WDR41: variants seen among roughly 807,000 people sequenced by gnomAD.
WDR41 encodes the protein WD repeat-containing protein 41.
In WDR41, 63 loss-of-function variants were observed where a neutral mutation model predicts 69.3. The observed-to-expected ratio is 0.91, with a 90% CI of 0.74 to 1.12. WDR41 has a LOEUF of 1.12. WDR41 is among the 50% of genes most tolerant of loss of function. The pLI is 0.00. For missense variants in WDR41, 543 were observed against 534.5 expected, an observed-to-expected ratio of 1.02 and a Z score of -0.16; for synonymous variants, 185 against 192.1, an observed-to-expected ratio of 0.96 and a Z score of 0.31.
At chr5:77,504,115 T>C (rs1481942825) in intron 1 of WDR41, among the ~76,000 whole-genome samples, 1 of 150,676 alleles carries the variant, frequency 6.6e-6, no homozygotes, top group Admixed American at 6.6e-5. Flanking sequence ...ATCAACAAAA[T>C]TGATAGACTG....
chr5:77,436,161 TAAGAAA>T (rs1798928559), intron 12 of WDR41, 94 bp downstream of exon 12: 44 of 1,448,562 alleles, frequency 3.0e-5, no homozygotes, highest in Non-Finnish European at 4.0e-5. Flanking sequence ...CCTACAGATA[TAAGAAA>T]AAGTATATGC....
chr5:77,433,687 T>G lies in WDR41; in HGVS notation c.1228-400A>C, dbSNP rs574520493. ...TCTCTATAAAAGTAGATATACTCAATCCATAGGTGTTAAGTGTCAGCACTA... is the reference window on the plus strand; with the variant it reads ...TCTCTATAAAAGTAGATATACTCAAGCCATAGGTGTTAAGTGTCAGCACTA... On this transcript the variant is annotated intron_variant, in intron 12 of 12. Coordinates refer to ENST00000296679, the MANE Select transcript of WDR41 (RefSeq NM_018268.4). Among the ~76,000 whole-genome samples the G allele has an allele frequency of 7.2e-5, 11 of 152,310 alleles. No individual in the cohort carries two copies. In the South Asian group the frequency reaches 1.7e-3, roughly 23 times the overall value.
intron 1 of WDR41, among the ~76,000 whole-genome samples, chr5:77,589,002 A>G (rs1409650762): frequency 6.6e-6 from 1 of 152,186 alleles, no homozygotes; most frequent in Non-Finnish European, 1.5e-5. Flanking sequence ...AAGCACAAAA[A>G]TGTGAAAAAT....
chr5:77,537,946 G>A (rs962836855), intron 1 of WDR41, among the ~76,000 whole-genome samples: 1 of 151,988 alleles, frequency 6.6e-6, no homozygotes, highest in Admixed American at 6.6e-5. Context: ...GTATTTTGGG[G>A]GTTTTATATA....
At chr5:77,447,036 C>T (rs765434664) in intron 8 of WDR41, among the ~76,000 whole-genome samples, 5 of 152,060 alleles carry the variant, frequency 3.3e-5, no homozygotes, top group African/African-American at 7.2e-5. Context: ...TGACAAAGGT[C>T]GGTCTAATAT....
At chr5:77,599,534 C>T (rs779972989) in intron 1 of WDR41, among the ~76,000 whole-genome samples, 2 of 152,084 alleles carry the variant, frequency 1.3e-5, no homozygotes, top group Non-Finnish European at 2.9e-5. Flanking sequence ...TAGATAGCTA[C>T]ACAGACAGCT....
intron 2 of WDR41, among the ~76,000 whole-genome samples, chr5:77,474,536 T>G (rs893426474): frequency 6.6e-6 from 1 of 152,120 alleles, no homozygotes; most frequent in Non-Finnish European, 1.5e-5. Flanking sequence ...TGTAAAGGAG[T>G]TGAAGGAAAC....
At chr5:77,502,497 T>C (rs1802034577) in intron 1 of WDR41, among the ~76,000 whole-genome samples, 1 of 152,092 alleles carries the variant, frequency 6.6e-6, no homozygotes, top group Admixed American at 6.5e-5. Flanking sequence ...CAGGCTAACA[T>C]TCAAATTCAG....
intron 2 of WDR41, among the ~76,000 whole-genome samples, chr5:77,476,748 G>A (rs1327406970): frequency 6.6e-6 from 1 of 150,432 alleles, no homozygotes; most frequent in Non-Finnish European, 1.5e-5. Context: ...ATCGAGACTA[G>A]GAAGAAACTG....
chr5:77,433,932 A>T (rs1157341374), intron 12 of WDR41, among the ~76,000 whole-genome samples: 1 of 152,244 alleles, frequency 6.6e-6, no homozygotes, highest in Admixed American at 6.5e-5. Flanking sequence ...GAATAGGAAA[A>T]CAGAGTGTTG....
chr5:77,491,117 C>T (rs1348490740), intron 1 of WDR41: 3 of 384,330 alleles, frequency 7.8e-6, no homozygotes, highest in Middle Eastern at 8.0e-4. Flanking sequence ...GTGAAAATGC[C>T]CTGCCCCGCC....
chr5:77,442,577 A>G (rs1799206222), intron 8 of WDR41, among the ~76,000 whole-genome samples: 1 of 152,046 alleles, frequency 6.6e-6, no homozygotes, highest in Admixed American at 6.6e-5. Context: ...ATGACTATGT[A>G]TAACTTTTAC....
rs200949152 is a variant in WDR41, at chr5:77,470,114, G to A, written c.168-5305C>T. Among the ~76,000 whole-genome samples, 334 of 151,644 alleles carry A rather than the reference G, an allele frequency of 2.2e-3. 6 individuals are homozygous for A. The highest frequency in any genetic ancestry group is 0.016 in the East Asian group (83 of 5,170). The stretch of plus-strand genomic sequence containing the variant: ...ACTCTACAAGCCAGAAGATAATGGG[G>A]GCCAATATTCAACATTCTTAAAGAA... On this transcript the variant is annotated intron_variant, in intron 2 of 12. Coordinates refer to ENST00000296679, the MANE Select transcript of WDR41 (RefSeq NM_018268.4).
chr5:77,446,526 T>C (rs1481023534), intron 8 of WDR41, among the ~76,000 whole-genome samples: 1 of 152,168 alleles, frequency 6.6e-6, no homozygotes, highest in Non-Finnish European at 1.5e-5. Context: ...CTGCAAACTA[T>C]ATTACAAGGC....
rs1425412337 is a variant in WDR41 at position 77,432,890 on chromosome 5, C to G, written c.*245G>C. 4.6e-5 allele frequency: 18 copies of G among 393,386 alleles called. No homozygotes were observed. The highest frequency in any genetic ancestry group is 8.1e-5 in the Non-Finnish European group (18 of 222,918). 24.4% of individuals were successfully genotyped at this position (393,386 alleles called of 1,614,324 possible). On this transcript the variant is annotated 3_prime_UTR_variant, in exon 13 of 13. Coordinates refer to ENST00000296679, the MANE Select transcript of WDR41 (RefSeq NM_018268.4). ...CAAAATAAGCTCAAAACACAGCACT[C>G]ACCACTTCAACAGCAGCTCAAAGTC...
Position 77,538,664 on chromosome 5 carries a change from C to G in WDR41, c.43-49092G>C, listed in dbSNP as rs76668692. Among the ~76,000 whole-genome samples, 1,115 of 152,158 alleles carry G rather than the reference C, an allele frequency of 7.3e-3. 18 individuals carry two copies. The highest frequency in any genetic ancestry group is 0.026 in the African/African-American group (1,066 of 41,510). ...TCTTTTTTGTGACTGCATAAGATTCCAAAAAGACAGGATTTCATTCTTTAA... is the reference window on the plus strand; with the variant it reads ...TCTTTTTTGTGACTGCATAAGATTCGAAAAAGACAGGATTTCATTCTTTAA... On this transcript the variant is annotated intron_variant, in intron 1 of 5. Transcript: ENST00000509971.
At position 77,597,802 on chromosome 5, in the gene WDR41, C is replaced by T. The variant is rs13167663; in HGVS notation, c.42+22677G>A. 2.0e-3 allele frequency among the ~76,000 whole-genome samples: 312 copies of T among 152,210 alleles called. 1 individual carries two copies. The highest frequency in any genetic ancestry group is 2.5e-3 in the Non-Finnish European group (172 of 67,998). Reference sequence around the variant, plus strand: ...CTTAAAATAATGTAACATTATTTTTCAAACACATCCAGATGAGTGTTTTGA... The same window carrying T: ...CTTAAAATAATGTAACATTATTTTTTAAACACATCCAGATGAGTGTTTTGA... On this transcript the variant is annotated intron_variant, in intron 1 of 5. Transcript: ENST00000509971.
intron 1 of WDR41, chr5:77,582,617 T>A (rs967695769): frequency 6.2e-6 from 10 of 1,601,184 alleles, no homozygotes; most frequent in Non-Finnish European, 8.5e-6. Flanking sequence ...GCTGGCAACT[T>A]CTATGTACCT....
intron 1 of WDR41, chr5:77,545,860 C>A: frequency 1.6e-6 from 1 of 629,280 alleles, no homozygotes; most frequent in Non-Finnish European, 2.7e-6. Flanking sequence ...GCCAAGCAGT[C>A]CATTGTCCCT....
Sources: allele counts gnomAD v4.1 joint callset (sites outside exome capture counted in the v4.1 genomes callset), GRCh38; gene constraint gnomAD v4.1.1; transcripts MANE v1.5; gene names NCBI Gene and HGNC (gene_info 2026-07-23, HGNC 2026-07-21).